The following DIP2B variants were observed in gnomAD, a reference collection of about 807,000 sequenced individuals.
DIP2B encodes disco-interacting protein 2 homolog B.
A neutral mutation model predicts 198.0 loss-of-function variants in DIP2B; 76 were observed. That is an observed-to-expected ratio of 0.38 (90% confidence interval 0.32 to 0.46). The LOEUF (loss-of-function observed/expected upper bound fraction) is 0.46, where lower values mean the gene tolerates loss of function less well. Among genes scored for constraint, DIP2B ranks in the 20% least tolerant of loss-of-function variants. The probability of loss-of-function intolerance (pLI) is 0.99; values close to 1 mark genes in which losing one functional copy is unlikely to be tolerated. For synonymous variants in DIP2B, 701 were observed against 739.1 expected (o/e 0.95, Z 0.84); for missense variants, 1,559 against 1,978.4 (o/e 0.79, Z 4.02).
chr12:50,673,420 T>G (rs539058352), intron 5 of DIP2B, among the ~76,000 whole-genome samples: 1 of 152,318 alleles, frequency 6.6e-6, no homozygotes, highest in Admixed American at 6.5e-5. Context: ...TATGTGGTGT[T>G]TTTTGTTGTT....
chr12:50,621,119 T>A (rs189260191), intron 1 of DIP2B, among the ~76,000 whole-genome samples: 4 of 152,340 alleles, frequency 2.6e-5, no homozygotes, highest in Non-Finnish European at 5.9e-5. Flanking sequence ...CAGCAAAATC[T>A]GTGTAAGTAC....
In DIP2B at chr12:50,640,820, C is replaced by A; in HGVS notation, c.269C>A (p.Ser90Tyr). 3 of 1,614,000 alleles carry A rather than the reference C, an allele frequency of 1.9e-6. No individual in the cohort carries two copies. Among genetic ancestry groups the A allele is most frequent in the Non-Finnish European group, 2.5e-6 (3 of 1,179,880 alleles). The change falls in exon 3 of 38, where the codon TCT (serine) becomes TAT (tyrosine). Residue 90 changes from serine to tyrosine, a missense_variant. Ser to Tyr is a moderately radical substitution (Grantham distance 144). Transcript: ENST00000301180. ...CCCTCTAAGTACCACCGAACTCGAT[C>A]TGGGGGAGCCAGGGATGAACGATAT... The part of the protein sequence containing the change: ...SAPSKYHRTR[S>Y]GGARDERYRS...
At chr12:50,671,524 G>T in intron 5 of DIP2B, 126 bp downstream of exon 5, 1 of 880,002 alleles carries the variant, frequency 1.1e-6, no homozygotes, top group South Asian at 1.8e-5. Flanking sequence ...GAGAAAACAT[G>T]ACAGTTAATG....
rs1030041462 is a variant in DIP2B at position 50,718,760 on chromosome 12, T to C, written c.2903T>C (p.Ile968Thr). Residue 968 changes from isoleucine (I) to threonine (T), a missense_variant, in exon 24 of 38, where the codon ATA becomes ACA. Physicochemically the swap from Ile to Thr is moderately conservative, Grantham distance 89. Coordinates refer to ENST00000301180, the MANE Select transcript of DIP2B (RefSeq NM_173602.3). Reference sequence around the variant, plus strand: ...GGGAATCTGGTTGCTGGAAAACGTATAGCACAAGCTGCTGGAAGGGATCTG... The same window carrying C: ...GGGAATCTGGTTGCTGGAAAACGTACAGCACAAGCTGCTGGAAGGGATCTG... The part of the protein sequence containing the change: ...MVGNLVAGKR[I>T]AQAAGRDLGQ... 19 of 1,614,204 alleles carry C rather than the reference T, an allele frequency of 1.2e-5. No individual in the cohort carries two copies. The highest frequency in any genetic ancestry group is 4.5e-5 in the East Asian group (2 of 44,880).
At chr12:50,543,886 T>C (rs1958349376) in intron 1 of DIP2B, among the ~76,000 whole-genome samples, 1 of 117,942 alleles carries the variant, frequency 8.5e-6, no homozygotes, top group Non-Finnish European at 1.7e-5. Context: ...GTAGTGCCAA[T>C]GAACTCCAGT....
chr12:50,717,473 C>T (rs1939749195), intron 23 of DIP2B, among the ~76,000 whole-genome samples: 2 of 150,136 alleles, frequency 1.3e-5, no homozygotes, highest in South Asian at 4.2e-4. Context: ...TGACGCCATT[C>T]TCCTGCCTCA....
At chr12:50,597,757 G>A (rs1318755603) in intron 1 of DIP2B, among the ~76,000 whole-genome samples, 1 of 152,142 alleles carries the variant, frequency 6.6e-6, no homozygotes, top group Non-Finnish European at 1.5e-5. Flanking sequence ...ACAACAGAGT[G>A]CTTTAATAGT....
At chr12:50,539,293 C>T (rs79894617) in intron 1 of DIP2B, among the ~76,000 whole-genome samples, 34 of 149,178 alleles carry the variant, frequency 2.3e-4, no homozygotes, top group African/African-American at 5.9e-4. Flanking sequence ...TGCAGTGGCA[C>T]TATCTCTTAT....
intron 8 of DIP2B, 84 bp from the exon 9 acceptor site, chr12:50,680,588 C>T (rs1242619660): frequency 7.7e-7 from 1 of 1,292,386 alleles, no homozygotes; most frequent in Admixed American, 1.9e-5. Context: ...TCATTAACTA[C>T]ACTGATGATC....
intron 19 of DIP2B, among the ~76,000 whole-genome samples, chr12:50,701,575 G>T (rs1939418315): frequency 6.6e-6 from 1 of 151,952 alleles, no homozygotes; most frequent in Non-Finnish European, 1.5e-5. Flanking sequence ...GTAGAGATGG[G>T]GTTTCACCGT....
chr12:50,701,684 A>G (rs1311618446), intron 19 of DIP2B, among the ~76,000 whole-genome samples: 1 of 151,974 alleles, frequency 6.6e-6, no homozygotes, highest in African/African-American at 2.4e-5. Flanking sequence ...ACACCAGGCC[A>G]AGATCTAGTA....
At chr12:50,675,528 G>A in intron 7 of DIP2B, 80 bp downstream of exon 7, 1 of 1,337,270 alleles carries the variant, frequency 7.5e-7, no homozygotes, top group Non-Finnish European at 1.0e-6. Flanking sequence ...GTACTGTAGG[G>A]TTAAAGAATG....
In DIP2B at chr12:50,698,235, T is replaced by C. The variant is rs1035424808; in HGVS notation, c.2049-93T>C. 4.8e-6 allele frequency: 7 copies of C among 1,452,822 alleles called. No individual in the cohort carries two copies. The Admixed American group carries it at 1.6e-4, about 33-fold the overall frequency. The allele number at this position is 1,452,822 out of a possible 1,614,324, so 90.0% of individuals were successfully genotyped here. A position where few individuals can be genotyped will look rare whatever the true frequency, so the allele number is the denominator to read the frequency against. On this transcript the variant is annotated intron_variant, in intron 17 of 37. Transcript: ENST00000301180. ...GAGAGAAAATGGAGAATTTTTTTGGTATTGTAGCCAGAGGAAATTTGTCTT... is the reference window on the plus strand; with the variant it reads ...GAGAGAAAATGGAGAATTTTTTTGGCATTGTAGCCAGAGGAAATTTGTCTT...
chr12:50,585,477 A>G (rs913321254), intron 1 of DIP2B, among the ~76,000 whole-genome samples: 26 of 152,212 alleles, frequency 1.7e-4, no homozygotes, highest in Non-Finnish European at 2.9e-4. Flanking sequence ...AAGGACTCCA[A>G]TGAAGAGAGA....
At chr12:50,744,500 G>C in intron 37 of DIP2B, 87 bp from the exon 38 acceptor site, 2 of 1,560,032 alleles carry the variant, frequency 1.3e-6, no homozygotes, top group Non-Finnish European at 1.7e-6. Flanking sequence ...GGAGAAGGCG[G>C]GGAAATGGGC....
At chr12:50,575,176 C>A (rs998649277) in intron 1 of DIP2B, among the ~76,000 whole-genome samples, 1 of 152,158 alleles carries the variant, frequency 6.6e-6, no homozygotes, top group East Asian at 1.9e-4. Flanking sequence ...TGTCTCCAAC[C>A]CTGACCTCTG....
intron 17 of DIP2B, 44 bp from the exon 18 acceptor site, chr12:50,698,284 T>C: frequency 6.3e-7 from 1 of 1,578,978 alleles, no homozygotes; most frequent in Non-Finnish European, 8.6e-7. Flanking sequence ...ATTTTTCCCT[T>C]GATGTTATTT....
chr12:50,589,134 A>G (rs1958796702), intron 1 of DIP2B, among the ~76,000 whole-genome samples: 1 of 152,062 alleles, frequency 6.6e-6, no homozygotes, highest in Non-Finnish European at 1.5e-5. Context: ...CAGTGAGCCA[A>G]GATCGCGCCA....
chr12:50,533,045 G>A (rs1417773146), intron 1 of DIP2B, among the ~76,000 whole-genome samples: 1 of 152,212 alleles, frequency 6.6e-6, no homozygotes, highest in Admixed American at 6.5e-5. Flanking sequence ...AACAGCAAAG[G>A]TAGTAGTGAG....
Sources: gnomAD v4.1 joint callset for allele counts (sites outside exome capture counted in the v4.1 genomes callset) on GRCh38, gnomAD v4.1.1 for gene constraint, MANE v1.5 for transcripts, NCBI Gene and HGNC (gene_info 2026-07-23, HGNC 2026-07-21) for gene names.